Variants in SEMA4D observed in about 807,000 individuals in gnomAD.
The protein encoded by SEMA4D is semaphorin 4D, also known as semaphorin-4D.
SEMA4D carries 22 observed loss-of-function variants against 74.8 expected under a neutral mutation model. The observed-to-expected ratio is 0.29, with a 90% CI of 0.21 to 0.42. The LOEUF (loss-of-function observed/expected upper bound fraction) is 0.42. Among genes scored for constraint, SEMA4D ranks in the 10% least tolerant of loss-of-function variants. The pLI is 1.00. For synonymous variants in SEMA4D, 445 were observed against 463.7 expected (o/e 0.96, Z 0.52); for missense variants, 937 against 1,118.4 (o/e 0.84, Z 2.31).
chr9:89,384,796 C>T lies in SEMA4D; in HGVS notation c.1446+1571G>A, dbSNP rs558312546. 4.8e-5 allele frequency: 47 copies of T among 985,384 alleles called. No individual in the cohort carries two copies. The Admixed American group carries it at 2.3e-3, about 48-fold the overall frequency. The allele number at this position is 985,384 out of a possible 1,614,324, so 61.0% of individuals were successfully genotyped here. ...CCATTTGCTGATCACCGTGAGAGAGCCTGATGGGGTCAGGCGGCACAGTCT... is the reference window on the plus strand; with the variant it reads ...CCATTTGCTGATCACCGTGAGAGAGTCTGATGGGGTCAGGCGGCACAGTCT... On this transcript the variant is annotated intron_variant, in intron 13 of 15. Transcript: ENST00000422704.
chr9:89,371,813 T>TG (rs1414440513), intron 16 of SEMA4D, among the ~76,000 whole-genome samples: 1 of 18,710 alleles, frequency 5.3e-5, no homozygotes, highest in Non-Finnish European at 9.3e-5. Context: ...GTGTGGGGGG[T>TG]GTGTGTGTCT....
Position 89,378,782 on chromosome 9 carries a change from G to T in SEMA4D, c.2511C>A (p.Asp837Glu). The change falls in exon 16 of 16, where the codon GAC (aspartate) becomes GAA (glutamate). Residue 837 changes from aspartate (D) to glutamate (E), a missense_variant. Asp to Glu is a conservative substitution (Grantham distance 45, BLOSUM62 2). Coordinates refer to ENST00000422704, the MANE Select transcript of SEMA4D (RefSeq NM_001371194.2). ...AGGGCTTGTCCCTGGCAGAAAGGTC[G>T]TCGATCCTCTGTGAGTCCTCCCTAT... ...PTDREDSQRIDDLSARDKPFD... is the reference protein window; with the variant it reads ...PTDREDSQRIEDLSARDKPFD... The T allele has an allele frequency of 4.3e-6, 7 of 1,614,206 alleles. No homozygotes were observed. The highest frequency in any genetic ancestry group is 5.9e-6 in the Non-Finnish European group (7 of 1,180,048).
intron 16 of SEMA4D, among the ~76,000 whole-genome samples, chr9:89,371,535 T>G (rs866853307): frequency 8.2e-5 from 1 of 12,202 alleles, no homozygotes; most frequent in Non-Finnish European, 1.6e-4. Flanking sequence ...GGTGTGTGTG[T>G]GGGGGTGTGT....
At chr9:89,419,951 T>A (rs552426983) in intron 2 of SEMA4D, among the ~76,000 whole-genome samples, 1 of 152,240 alleles carries the variant, frequency 6.6e-6, no homozygotes, top group Admixed American at 6.5e-5. Flanking sequence ...AAACTTCTAT[T>A]TTTTAGAAAT....
At chr9:89,465,390 A>G (rs72750916) in intron 1 of SEMA4D, among the ~76,000 whole-genome samples, 1 of 152,318 alleles carries the variant, frequency 6.6e-6, no homozygotes, top group Non-Finnish European at 1.5e-5. Context: ...ATCACTCACA[A>G]GAGAACCAAG....
intron 2 of SEMA4D, chr9:89,449,596 C>G: frequency 1.1e-6 from 1 of 936,356 alleles, no homozygotes; most frequent in Non-Finnish European, 1.8e-6. Context: ...AAACTATCGC[C>G]GAGGACCTGG....
At chr9:89,474,220 C>T (rs1336757933) in intron 1 of SEMA4D, among the ~76,000 whole-genome samples, 1 of 152,218 alleles carries the variant, frequency 6.6e-6, no homozygotes, top group Non-Finnish European at 1.5e-5. Context: ...AGACACCTGG[C>T]ACCAATAAAC....
chr9:89,472,079 A>G (rs1190573036), intron 1 of SEMA4D, among the ~76,000 whole-genome samples: 1 of 152,234 alleles, frequency 6.6e-6, no homozygotes, highest in East Asian at 1.9e-4. Flanking sequence ...GGGGCTTCTA[A>G]TTCTGTGATT....
At chr9:89,363,081 CTG>C (rs1402059868) in intron 18 of SEMA4D, among the ~76,000 whole-genome samples, 1 of 152,176 alleles carries the variant, frequency 6.6e-6, no homozygotes, top group African/African-American at 2.4e-5. Flanking sequence ...TCCAGGTTTC[CTG>C]CCCTCCTCAA....
intron 2 of SEMA4D, among the ~76,000 whole-genome samples, chr9:89,434,512 G>A (rs1433849730): frequency 2.0e-5 from 3 of 152,218 alleles, no homozygotes; most frequent in African/African-American, 4.8e-5. Flanking sequence ...CCTAGAAACA[G>A]CATCTAAGAG....
chr9:89,461,700 CTTTTTT>C (rs61696689), intron 1 of SEMA4D, among the ~76,000 whole-genome samples: 2 of 103,662 alleles, frequency 1.9e-5, no homozygotes, highest in South Asian at 3.8e-4. Context: ...TCTTTTTTCT[CTTTTTT>C]TTTTTTTTTT....
intron 2 of SEMA4D, among the ~76,000 whole-genome samples, chr9:89,431,177 C>G (rs555897246): frequency 6.6e-6 from 1 of 152,320 alleles, no homozygotes; most frequent in African/African-American, 2.4e-5. Flanking sequence ...AAAACCCAGT[C>G]ATAAAAGGTC....
intron 1 of SEMA4D, among the ~76,000 whole-genome samples, chr9:89,495,956 G>A (rs1480714332): frequency 1.3e-5 from 2 of 152,170 alleles, no homozygotes; most frequent in African/African-American, 4.8e-5. Context: ...TCCCTCCTCA[G>A]TCAAAGCTGG....
In SEMA4D at chr9:89,377,913, C is replaced by T. The variant is rs963468998; in HGVS notation, c.*791G>A. On this transcript the variant is annotated 3_prime_UTR_variant, in exon 16 of 16. Coordinates refer to ENST00000422704, the MANE Select transcript of SEMA4D (RefSeq NM_001371194.2). ...AAGTTAAAAAAAAAGAAAAGTAAAA[C>T]GAAGTACAGAAAGAAAATCTCTCCA... 4 of 149,566 alleles carry T rather than the reference C, an allele frequency of 2.7e-5. No individual in the cohort carries two copies. Among genetic ancestry groups the T allele is most frequent in the African/African-American group, 9.9e-5 (4 of 40,338 alleles). 9.3% of individuals were successfully genotyped at this position (149,566 alleles called of 1,614,324 possible). A position where few individuals can be genotyped will look rare whatever the true frequency, so the allele number is the denominator to read the frequency against.
chr9:89,433,114 G>A (rs1161763897), intron 2 of SEMA4D, among the ~76,000 whole-genome samples: 1 of 152,210 alleles, frequency 6.6e-6, no homozygotes, highest in Non-Finnish European at 1.5e-5. Flanking sequence ...GGTGCATCCT[G>A]GGCACAGGGC....
intron 16 of SEMA4D, among the ~76,000 whole-genome samples, chr9:89,371,125 TG>T (rs1834600442): frequency 5.2e-5 from 2 of 38,298 alleles, no homozygotes; most frequent in African/African-American, 1.1e-4. Context: ...GGGTGTGGTG[TG>T]TATGTCTGGG....
intron 18 of SEMA4D, among the ~76,000 whole-genome samples, chr9:89,362,603 T>C (rs1182589160): frequency 6.6e-6 from 1 of 152,194 alleles, no homozygotes; most frequent in Admixed American, 6.5e-5. Context: ...TTCTCCCATA[T>C]GTGACAGGAA....
At chr9:89,370,759 A>AGG (rs1834471898) in intron 16 of SEMA4D, among the ~76,000 whole-genome samples, 1 of 58,852 alleles carries the variant, frequency 1.7e-5, no homozygotes, top group South Asian at 6.1e-4. Context: ...TGTGGTTGTG[A>AGG]GGGGTGTGAT....
At chr9:89,390,363 TGCGG>T (rs568443492) in intron 9 of SEMA4D, among the ~76,000 whole-genome samples, 34 of 56,066 alleles carry the variant, frequency 6.1e-4, no homozygotes, top group African/African-American at 2.3e-3. Flanking sequence ...CAGCCACGGC[TGCGG>T]GGCTGCGGGG....
Sources: allele counts gnomAD v4.1 joint callset (sites outside exome capture counted in the v4.1 genomes callset), GRCh38; gene constraint gnomAD v4.1.1; transcripts MANE v1.5; gene names NCBI Gene and HGNC (gene_info 2026-07-23, HGNC 2026-07-21).